Variants in RABGAP1L observed in about 807,000 individuals in gnomAD.
RABGAP1L encodes the protein rab GTPase-activating protein 1-like.
RABGAP1L carries 63 observed loss-of-function variants against 137.7 expected under a neutral mutation model. The observed-to-expected ratio is 0.46, with a 90% CI of 0.37 to 0.56. The LOEUF (loss-of-function observed/expected upper bound fraction) is 0.56, where lower values mean the gene tolerates loss of function less well. Ranked by LOEUF, RABGAP1L falls within the 20% of genes least tolerant of loss-of-function variation. RABGAP1L has a pLI of 0.00. For missense variants in RABGAP1L, 1,095 were observed against 1,244.0 expected (o/e 0.88, Z 1.80); for synonymous variants, 431 against 433.7 (o/e 0.99, Z 0.08).
chr1:174,739,663 T>C (rs1402602782), intron 17 of RABGAP1L, among the ~76,000 whole-genome samples: 1 of 152,224 alleles, frequency 6.6e-6, no homozygotes, highest in Non-Finnish European at 1.5e-5. Flanking sequence ...TGAGAGCCAA[T>C]GGTCTAATGG....
At chr1:174,621,750 C>A (rs1169564999) in intron 13 of RABGAP1L, among the ~76,000 whole-genome samples, 19 of 152,124 alleles carry the variant, frequency 1.2e-4, no homozygotes, top group Admixed American at 1.1e-3. Flanking sequence ...CATAAAAACC[C>A]TAGAAGAAAA....
At chr1:174,817,443 G>A (rs1032341933) in intron 19 of RABGAP1L, among the ~76,000 whole-genome samples, 2 of 152,118 alleles carry the variant, frequency 1.3e-5, no homozygotes, top group Admixed American at 1.3e-4. Flanking sequence ...ATATGCAGAA[G>A]CCCATAGGTA....
At chr1:174,920,005 A>G (rs930650434) in intron 19 of RABGAP1L, among the ~76,000 whole-genome samples, 3 of 152,264 alleles carry the variant, frequency 2.0e-5, no homozygotes, top group East Asian at 3.8e-4. Flanking sequence ...GACCATAAGC[A>G]CTTTTGTGGA....
At chr1:174,636,382 G>C (rs1674035151) in intron 13 of RABGAP1L, among the ~76,000 whole-genome samples, 2 of 151,996 alleles carry the variant, frequency 1.3e-5, no homozygotes, top group Non-Finnish European at 1.5e-5. Flanking sequence ...AAAAAAAATA[G>C]CTGGGCGTGG....
rs72031504 is a variant in RABGAP1L at position 174,161,219 on chromosome 1, GTATTATTAT to G, written c.-34+1591_-34+1599del. 6.6e-3 allele frequency among the ~76,000 whole-genome samples: 962 copies of G among 145,300 alleles called. 10 individuals carry two copies. The highest frequency in any genetic ancestry group is 0.022 in the African/African-American group (864 of 39,798). On this transcript the variant is annotated intron_variant, in intron 1 of 25. Coordinates refer to ENST00000681986, the MANE Select transcript of RABGAP1L (RefSeq NM_001366446.1). ...ATGTAGCCTACATTTGCTCTGATGT[GTATTATTAT>G]TATTATTATTATTATTATTATTATT...
At position 174,724,492 on chromosome 1, in the gene RABGAP1L, T is replaced by C. The variant is rs115473862; in HGVS notation, c.2169+22236T>C. Among the ~76,000 whole-genome samples, 1,445 of 152,336 alleles carry C rather than the reference T, an allele frequency of 9.5e-3. 24 individuals carry two copies. Among genetic ancestry groups the C allele is most frequent in the African/African-American group, 0.033 (1,386 of 41,568 alleles). ...GAGCAGCATATGCTTCCAAATTGTTTTGAAGTGAGGCTTTGTCTTTTCTCT... is the reference window on the plus strand; with the variant it reads ...GAGCAGCATATGCTTCCAAATTGTTCTGAAGTGAGGCTTTGTCTTTTCTCT... On this transcript the variant is annotated intron_variant, in intron 17 of 25. Coordinates refer to ENST00000681986, the MANE Select transcript of RABGAP1L (RefSeq NM_001366446.1).
At chr1:174,450,482 T>C (rs907892478) in intron 13 of RABGAP1L, among the ~76,000 whole-genome samples, 4 of 152,248 alleles carry the variant, frequency 2.6e-5, no homozygotes, top group East Asian at 3.8e-4. Flanking sequence ...AAAATACTTT[T>C]GTGTAATTGT....
chr1:174,334,389 A>G (rs968454402), intron 11 of RABGAP1L, among the ~76,000 whole-genome samples: 2 of 152,204 alleles, frequency 1.3e-5, no homozygotes. Flanking sequence ...CACACCAGCC[A>G]TATTCATCCT....
intron 14 of RABGAP1L, among the ~76,000 whole-genome samples, chr1:174,682,425 A>G (rs937769163): frequency 6.6e-6 from 1 of 151,154 alleles, no homozygotes; most frequent in Non-Finnish European, 1.5e-5. Context: ...TACTGCCCCA[A>G]TGTAAGAATG....
intron 15 of RABGAP1L, among the ~76,000 whole-genome samples, chr1:174,694,454 G>C (rs925952143): frequency 1.3e-3 from 190 of 151,482 alleles, no homozygotes; most frequent in African/African-American, 4.2e-3. Flanking sequence ...GCGGTGTTTG[G>C]TTTTTTGTTC....
chr1:174,657,285 T>G (rs976007336), intron 14 of RABGAP1L, among the ~76,000 whole-genome samples: 2 of 152,230 alleles, frequency 1.3e-5, no homozygotes, highest in Admixed American at 1.3e-4. Flanking sequence ...TCCAGCTATT[T>G]GAAACTATTA....
chr1:174,974,091 C>T (rs1670429591), intron 21 of RABGAP1L, among the ~76,000 whole-genome samples: 1 of 150,894 alleles, frequency 6.6e-6, no homozygotes, highest in South Asian at 2.1e-4. Flanking sequence ...TGGTTTCACG[C>T]CATTCTCCTG....
At chr1:174,698,664 G>C (rs1679429688) in intron 15 of RABGAP1L, among the ~76,000 whole-genome samples, 1 of 151,958 alleles carries the variant, frequency 6.6e-6, no homozygotes, top group Non-Finnish European at 1.5e-5. Context: ...GGAATACTAT[G>C]TAATTGCTTT....
intron 1 of RABGAP1L, among the ~76,000 whole-genome samples, chr1:174,204,173 A>G (rs1410036093): frequency 1.3e-5 from 2 of 151,896 alleles, no homozygotes; most frequent in Non-Finnish European, 2.9e-5. Context: ...CTGGTCTCAA[A>G]CTCCTGACCT....
chr1:174,558,819 G>T (rs557727411), intron 13 of RABGAP1L, among the ~76,000 whole-genome samples: 29 of 152,182 alleles, frequency 1.9e-4, no homozygotes, highest in Non-Finnish European at 4.0e-4. Flanking sequence ...TAGACTTATG[G>T]TTCAGGCAGA....
chr1:174,900,607 C>T (rs1019059673), intron 19 of RABGAP1L, among the ~76,000 whole-genome samples: 4 of 152,172 alleles, frequency 2.6e-5, no homozygotes, highest in African/African-American at 9.6e-5. Flanking sequence ...GGCTTGTGTT[C>T]CCTGCCTCCA....
chr1:174,655,716 T>C (rs1376296649), intron 14 of RABGAP1L, among the ~76,000 whole-genome samples: 4 of 152,248 alleles, frequency 2.6e-5, no homozygotes, highest in Non-Finnish European at 5.9e-5. Flanking sequence ...TATATCAATA[T>C]GGACTCATGA....
At chr1:174,809,096 G>A (rs1323150124) in intron 18 of RABGAP1L, among the ~76,000 whole-genome samples, 1 of 152,158 alleles carries the variant, frequency 6.6e-6, no homozygotes, top group Non-Finnish European at 1.5e-5. Context: ...AATGTGTCAA[G>A]TACTCCAGAG....
At chr1:174,425,455 T>C (rs1451021706) in intron 13 of RABGAP1L, among the ~76,000 whole-genome samples, 1 of 152,082 alleles carries the variant, frequency 6.6e-6, no homozygotes, top group Non-Finnish European at 1.5e-5. Flanking sequence ...AACTTTCCTC[T>C]GTTATTTCCA....
Sources: allele counts gnomAD v4.1 joint callset (sites outside exome capture counted in the v4.1 genomes callset), GRCh38; gene constraint gnomAD v4.1.1; transcripts MANE v1.5; gene names NCBI Gene and HGNC (gene_info 2026-07-23, HGNC 2026-07-21).